The following CFAP298 variants were observed in gnomAD, a reference collection of about 807,000 sequenced individuals.
The protein encoded by CFAP298 is cilia and flagella associated protein 298.
Under a neutral mutation model 41.0 loss-of-function variants are expected in CFAP298, and 38 were observed. The observed-to-expected ratio is 0.93, with a 90% CI of 0.72 to 1.22. The LOEUF (loss-of-function observed/expected upper bound fraction) is 1.22, where lower values mean the gene tolerates loss of function less well. Among genes scored for constraint, CFAP298 ranks in the 50% most tolerant of loss-of-function variants. The probability of loss-of-function intolerance (pLI) is 0.00; values close to 1 mark genes in which losing one functional copy is unlikely to be tolerated. For missense variants in CFAP298, 348 were observed against 360.3 expected (o/e 0.97, Z 0.28); for synonymous variants, 137 against 135.3 (o/e 1.01, Z -0.09).
chr21:32,604,624 G>A (rs757783254), intron 3 of CFAP298: 33 of 274,970 alleles, frequency 1.2e-4, no homozygotes, highest in Non-Finnish European at 2.2e-4. Flanking sequence ...AAATGCAGAT[G>A]GGCTGAAAAG....
intron 2 of CFAP298, among the ~76,000 whole-genome samples, chr21:32,609,191 CG>C (rs1372825389): frequency 6.6e-6 from 1 of 152,126 alleles, no homozygotes; most frequent in Non-Finnish European, 1.5e-5. Flanking sequence ...CCAACATTTG[CG>C]AACAGTAACA....
At chr21:32,603,074 T>G in intron 5 of CFAP298, 87 bp downstream of exon 5, 3 of 1,506,304 alleles carry the variant, frequency 2.0e-6, no homozygotes, top group Non-Finnish European at 2.8e-6. Context: ...TACCAGTAGT[T>G]TAAATCTTTC....
chr21:32,603,061 T>C (rs770786755), intron 5 of CFAP298, 100 bp downstream of exon 5: 5 of 1,431,396 alleles, frequency 3.5e-6, no homozygotes, highest in Admixed American at 1.7e-5. Flanking sequence ...ATTAAAATAT[T>C]TGTACCAGTA....
intron 5 of CFAP298, chr21:32,602,899 C>A: frequency 7.6e-7 from 1 of 1,322,842 alleles, no homozygotes; most frequent in South Asian, 1.6e-5. Context: ...TTACTTGCAG[C>A]CCTATTTTTA....
Position 32,599,825 on chromosome 21 carries a change from G to A in CFAP298, c.*2038C>T, listed in dbSNP as rs1015120668. Among the ~76,000 whole-genome samples, 10 of 152,226 alleles carry A rather than the reference G, an allele frequency of 6.6e-5. No individual in the cohort carries two copies. The highest frequency in any genetic ancestry group is 2.6e-4 in the Admixed American group (4 of 15,286). On this transcript the variant is annotated 3_prime_UTR_variant, in exon 7 of 7. Coordinates refer to ENST00000290155, the MANE Select transcript of CFAP298 (RefSeq NM_021254.4). The stretch of plus-strand genomic sequence containing the variant: ...GCTGCACCCAAACACACCAAGCTCA[G>A]AGAGGCTTTTGAGGCAGACAAGGGC...
Position 32,607,690 on chromosome 21 carries a change from A to T in CFAP298, c.334T>A (p.Leu112Ile), listed in dbSNP as rs989689505. ...QAPNEKMKQV[L>I]KKTIEEAKAI... is the part of the protein sequence containing the mutation. ...TTGGCTTCTTCTATAGTCTTCTTTA[A>T]CACTTGCTTCATCTTCTCATTTGGA... is the stretch of plus-strand genomic sequence containing the variant. Residue 112 changes from leucine to isoleucine, a missense_variant, in exon 3 of 7, where the codon TTA becomes ATA. By Grantham distance (5) the Leu-to-Ile change is conservative. Transcript: ENST00000290155. 3 of 1,602,230 alleles carry T rather than the reference A, an allele frequency of 1.9e-6. No individual in the cohort carries two copies. Among genetic ancestry groups the T allele is most frequent in the East Asian group, 2.2e-5 (1 of 44,794 alleles).
chr21:32,601,273 G>T lies in CFAP298; in HGVS notation c.*590C>A, dbSNP rs1292270414. 8.1e-6 allele frequency among the ~76,000 whole-genome samples: 1 copy of T among 124,056 alleles called. No individual in the cohort carries two copies. The highest frequency in any genetic ancestry group is 1.7e-5 in the Non-Finnish European group (1 of 58,570). 81.4% of individuals were successfully genotyped at this position (124,056 alleles called of 152,430 possible). Reference sequence around the variant, plus strand: ...CATGAGAATATAAAACAATCAGGAAGAAAAAAAAGTGTAGCTTTTTTTTTT... The same window carrying T: ...CATGAGAATATAAAACAATCAGGAATAAAAAAAAGTGTAGCTTTTTTTTTT... On this transcript the variant is annotated 3_prime_UTR_variant, in exon 7 of 7. Coordinates refer to ENST00000290155, the MANE Select transcript of CFAP298 (RefSeq NM_021254.4).
At chr21:32,608,920 C>T (rs2038928409) in intron 2 of CFAP298, among the ~76,000 whole-genome samples, 3 of 152,180 alleles carry the variant, frequency 2.0e-5, no homozygotes, top group African/African-American at 4.8e-5. Context: ...TGTTCTTTTA[C>T]TCCTAACAGT....
At chr21:32,608,910 T>C (rs1469467641) in intron 2 of CFAP298, among the ~76,000 whole-genome samples, 1 of 152,144 alleles carries the variant, frequency 6.6e-6, no homozygotes, top group Non-Finnish European at 1.5e-5. Context: ...GCAGGAATAC[T>C]GTTCTTTTAC....
rs193000764 is a variant in CFAP298 at position 32,609,198 on chromosome 21, T to C, written c.307+640A>G. 7.6e-4 allele frequency among the ~76,000 whole-genome samples: 116 copies of C among 152,218 alleles called. No homozygotes were observed. The East Asian group carries it at 0.012, about 16-fold the overall frequency. On this transcript the variant is annotated intron_variant, in intron 2 of 6. Coordinates refer to ENST00000290155, the MANE Select transcript of CFAP298 (RefSeq NM_021254.4). ...AAGATCCCCCAACATTTGCGAACAG[T>C]AACAAAACACAACTCTGAATACATT...
Position 32,599,861 on chromosome 21 carries a change from G to A in CFAP298, c.*2002C>T, listed in dbSNP as rs1397036266. ...GAGGCAGACAAGGGCAGGGAGAGAGGATGGTTCTTCTCGCATGGGTATTTA... is the reference window on the plus strand; with the variant it reads ...GAGGCAGACAAGGGCAGGGAGAGAGAATGGTTCTTCTCGCATGGGTATTTA... On this transcript the variant is annotated 3_prime_UTR_variant, in exon 7 of 7. Transcript: ENST00000290155. Among the ~76,000 whole-genome samples the A allele has an allele frequency of 2.6e-5, 4 of 152,212 alleles. No individual in the cohort carries two copies. Among genetic ancestry groups the A allele is most frequent in the Non-Finnish European group, 4.4e-5 (3 of 68,034 alleles).
At position 32,607,829 on chromosome 21, in the gene CFAP298, C is replaced by A. The variant is rs191189362; in HGVS notation, c.308-113G>T. On this transcript the variant is annotated intron_variant, in intron 2 of 6. Transcript: ENST00000290155. ...GGGGTAAATGAACTGAGAGAGAGTG[C>A]GAGTGTGGAATTTAGGGAAGAGAAG... 496 of 654,472 alleles carry A rather than the reference C, an allele frequency of 7.6e-4. 1 individual carries two copies. The African/African-American group carries it at 8.3e-3, about 11-fold the overall frequency. 40.5% of individuals were successfully genotyped at this position (654,472 alleles called of 1,614,324 possible). A position where few individuals can be genotyped will look rare whatever the true frequency, so the allele number is the denominator to read the frequency against.
intron 1 of CFAP298, 36 bp downstream of exon 1, chr21:32,612,069 C>T: frequency 6.6e-7 from 1 of 1,504,930 alleles, no homozygotes; most frequent in South Asian, 1.3e-5. Context: ...GCCGGTCTCT[C>T]GATCTGTCCG....
At chr21:32,606,848 C>T (rs1280285854) in intron 3 of CFAP298, among the ~76,000 whole-genome samples, 1 of 152,180 alleles carries the variant, frequency 6.6e-6, no homozygotes, top group Non-Finnish European at 1.5e-5. Context: ...AATTCTCTTC[C>T]TCCAGATACA....
In CFAP298 at chr21:32,599,707, A is replaced by C. The variant is rs186463908; in HGVS notation, c.*2156T>G. Among the ~76,000 whole-genome samples, 3 of 152,246 alleles carry C rather than the reference A, an allele frequency of 2.0e-5. No homozygotes were observed. The highest frequency in any genetic ancestry group is 4.8e-5 in the African/African-American group (2 of 41,546). The stretch of plus-strand genomic sequence containing the variant: ...TGAGTCAGCAAGTGGATGCAAAGGG[A>C]ACACACACAGCACGGTGCCACAGCG... On this transcript the variant is annotated 3_prime_UTR_variant, in exon 7 of 7. Coordinates refer to ENST00000290155, the MANE Select transcript of CFAP298 (RefSeq NM_021254.4).
intron 1 of CFAP298, among the ~76,000 whole-genome samples, chr21:32,611,595 G>A (rs992303811): frequency 6.6e-6 from 1 of 151,904 alleles, no homozygotes; most frequent in Middle Eastern, 3.4e-3. Context: ...GAACCTGCGC[G>A]GGGTAGGGAG....
chr21:32,609,919 T>C lies in CFAP298; in HGVS notation c.226A>G (p.Lys76Glu). The C allele has an allele frequency of 6.2e-7, 1 of 1,614,150 alleles. No homozygotes were observed. Among genetic ancestry groups the C allele is most frequent in the Non-Finnish European group, 8.5e-7 (1 of 1,179,980 alleles). ...ACGCATTTTTCACCCCATTCATCCT[T>C]CAATTTCAATTCTTCAATCTGATCA... ...TDDQIEELKL[K>E]DEWGEKCVPS... The change falls in exon 2 of 7, where the codon AAG (lysine) becomes GAG (glutamate). Residue 76 changes from lysine to glutamate, a missense_variant. Transcript: ENST00000290155.
chr21:32,607,819 A>AGAGAGAGTGC, intron 2 of CFAP298, 103 bp from the exon 3 acceptor site: 1 of 719,410 alleles, frequency 1.4e-6, no homozygotes, highest in Non-Finnish European at 2.4e-6. Flanking sequence ...AAATGAACTG[A>AGAGAGAGTGC]GAGAGAGTGC....
In CFAP298 at chr21:32,602,282, T is replaced by A; in HGVS notation, c.752A>T (p.Glu251Val). The A allele has an allele frequency of 6.2e-7, 1 of 1,614,098 alleles. No individual in the cohort carries two copies. The highest frequency in any genetic ancestry group is 8.5e-7 in the Non-Finnish European group (1 of 1,180,022). Residue 251 changes from glutamate (E) to valine (V), a missense_variant, in exon 6 of 7, where the codon GAG (glutamate) becomes GTG (valine). Coordinates refer to ENST00000290155, the MANE Select transcript of CFAP298 (RefSeq NM_021254.4). The stretch of plus-strand genomic sequence containing the variant: ...TCTGTCCCCTGCTACCTTGAGCTCC[T>A]CTTGTCTTCTGTGATAGTACAGCAT... ...QLMLYYHRRQEELKRLEENDD... is the reference protein window; with the variant it reads ...QLMLYYHRRQVELKRLEENDD...
Sources: gnomAD v4.1 joint callset for allele counts (sites outside exome capture counted in the v4.1 genomes callset) on GRCh38, gnomAD v4.1.1 for gene constraint, MANE v1.5 for transcripts, NCBI Gene and HGNC (gene_info 2026-07-23, HGNC 2026-07-21) for gene names.